The following KCNG3 variants were observed in gnomAD, a reference collection of about 807,000 sequenced individuals.
KCNG3 encodes potassium voltage-gated channel modifier subfamily G member 3, also known as voltage-gated potassium channel regulatory subunit KCNG3.
A neutral mutation model predicts 29.0 loss-of-function variants in KCNG3; 15 were observed. The observed-to-expected ratio is 0.52, with a 90% CI of 0.35 to 0.80. The LOEUF (loss-of-function observed/expected upper bound fraction) is 0.80. Ranked by LOEUF, KCNG3 falls within the 30% of genes least tolerant of loss-of-function variation. KCNG3 has a pLI of 0.01. For missense variants in KCNG3, 512 were observed against 605.7 expected, an observed-to-expected ratio of 0.85 and a Z score of 1.62; for synonymous variants, 322 against 248.9, an observed-to-expected ratio of 1.29 and a Z score of -2.76.
intron 1 of KCNG3, among the ~76,000 whole-genome samples, chr2:42,465,796 A>AT (rs139327318): frequency 0.017 from 2,608 of 152,268 alleles, 68 homozygotes; most frequent in African/African-American, 0.059. Context: ...AAAATAACCC[A>AT]TTTTTTAAAA....
chr2:42,482,837 T>C (rs1673623445), intron 1 of KCNG3, among the ~76,000 whole-genome samples: 1 of 151,538 alleles, frequency 6.6e-6, no homozygotes, highest in South Asian at 2.1e-4. Context: ...AAAGCTATTC[T>C]AGGCCAGGCA....
the KCNG3 span, among the ~76,000 whole-genome samples, chr2:42,425,490 G>C: frequency 1.5e-4 from 23 of 151,882 alleles, no homozygotes; most frequent in Admixed American, 2.0e-4. Context: ...AGAAATAGAG[G>C]GATGATGGGG....
At chr2:42,405,695 C>A in the KCNG3 span, among the ~76,000 whole-genome samples, 1 of 152,140 alleles carries the variant, frequency 6.6e-6, no homozygotes, top group African/African-American at 2.4e-5. Context: ...GAAAGCTCCG[C>A]CTCCCGGGTT....
At chr2:42,389,888 T>C in the KCNG3 span, among the ~76,000 whole-genome samples, 1 of 152,236 alleles carries the variant, frequency 6.6e-6, no homozygotes, top group Non-Finnish European at 1.5e-5. Flanking sequence ...GGGCTTGCTG[T>C]CTGTGATGCT....
chr2:42,473,089 G>T (rs1240262785), intron 1 of KCNG3, among the ~76,000 whole-genome samples: 1 of 149,130 alleles, frequency 6.7e-6, no homozygotes, highest in African/African-American at 2.5e-5. Context: ...GTAGAGACGG[G>T]GTTTCACCGT....
chr2:42,409,531 T>C, the KCNG3 span, among the ~76,000 whole-genome samples: 1 of 151,400 alleles, frequency 6.6e-6, no homozygotes, highest in African/African-American at 2.4e-5. Context: ...CGGTGAAACC[T>C]GTCTCTACAA....
In KCNG3 at chr2:42,444,706, G is replaced by T; in HGVS notation, c.666-127C>A. ...ACTTTTCCAGAAAACATAAAGAACA[G>T]ACAACATTAGCAACATCATCAGACC... On this transcript the variant is annotated intron_variant, in intron 1 of 1. Transcript: ENST00000306078. The surrounding 1 kb of genome is among the most constrained non-coding windows in gnomAD (Gnocchi z 5.8). 1.2e-6 allele frequency: 1 copy of T among 815,894 alleles called. No homozygotes were observed. The highest frequency in any genetic ancestry group is 1.9e-6 in the Non-Finnish European group (1 of 525,738). The allele number at this position is 815,894 out of a possible 1,614,324, so 50.5% of individuals were successfully genotyped here. A position where few individuals can be genotyped will look rare whatever the true frequency, so the allele number is the denominator to read the frequency against.
rs191934988 is a variant in KCNG3, at chr2:42,474,343, C to T, written c.665+18494G>A. Among the ~76,000 whole-genome samples the T allele has an allele frequency of 5.8e-4, 88 of 152,050 alleles. 1 individual carries two copies. Among genetic ancestry groups the T allele is most frequent in the African/African-American group, 2.0e-3 (85 of 41,500 alleles). ...AGGAGTTCGAGACCAGCCTGGCCAA[C>T]GTGGTGAAACCCTGTCTCTACTAAA... On this transcript the variant is annotated intron_variant, in intron 1 of 1. Coordinates refer to ENST00000306078, the MANE Select transcript of KCNG3 (RefSeq NM_133329.6).
chr2:42,483,324 G>A (rs564290630), intron 1 of KCNG3, among the ~76,000 whole-genome samples: 1 of 152,172 alleles, frequency 6.6e-6, no homozygotes, highest in African/African-American at 2.4e-5. Context: ...ATCAAAAAAT[G>A]TTTAAAGCAC....
chr2:42,464,442 T>G (rs1174868488), intron 1 of KCNG3, among the ~76,000 whole-genome samples: 1 of 152,244 alleles, frequency 6.6e-6, no homozygotes, highest in Non-Finnish European at 1.5e-5. Context: ...AACAATAAGC[T>G]AAGTGTTTTA....
chr2:42,467,587 G>A (rs1023144025), intron 1 of KCNG3, among the ~76,000 whole-genome samples: 3 of 151,412 alleles, frequency 2.0e-5, no homozygotes, highest in Non-Finnish European at 4.4e-5. Context: ...AGAATCACTT[G>A]AACCCAGGAG....
chr2:42,424,811 C>G, the KCNG3 span: 1 of 152,182 alleles, frequency 6.6e-6, no homozygotes, highest in South Asian at 2.1e-4. Context: ...AGCAATAAAT[C>G]AAAGGAAACC....
intron 1 of KCNG3, among the ~76,000 whole-genome samples, chr2:42,471,051 C>T (rs1362851663): frequency 6.6e-6 from 1 of 151,792 alleles, no homozygotes; most frequent in Non-Finnish European, 1.5e-5. Context: ...ACTTGGAAAG[C>T]TGAGGGTAGA....
chr2:42,410,363 T>C, the KCNG3 span, among the ~76,000 whole-genome samples: 1 of 152,134 alleles, frequency 6.6e-6, no homozygotes, highest in Non-Finnish European at 1.5e-5. Context: ...GCATTTGCAA[T>C]TCTGACAAAA....
chr2:42,446,381 G>C (rs753479522), intron 1 of KCNG3, among the ~76,000 whole-genome samples: 2 of 151,300 alleles, frequency 1.3e-5, no homozygotes, highest in South Asian at 2.1e-4. Flanking sequence ...GTTTCACCAT[G>C]TTGGCCAGGC....
chr2:42,429,431 T>A, the KCNG3 span, among the ~76,000 whole-genome samples: 1 of 152,244 alleles, frequency 6.6e-6, no homozygotes, highest in Admixed American at 6.5e-5. Context: ...GTTATAACTG[T>A]GGCTAATCCC....
At chr2:42,469,498 C>G (rs1328451878) in intron 1 of KCNG3, among the ~76,000 whole-genome samples, 2 of 151,648 alleles carry the variant, frequency 1.3e-5, no homozygotes, top group Non-Finnish European at 2.9e-5. Context: ...GCAAATGAGG[C>G]TCTTCAGATT....
At chr2:42,470,261 G>A (rs556325566) in intron 1 of KCNG3, 10 of 389,042 alleles carry the variant, frequency 2.6e-5, no homozygotes, top group Non-Finnish European at 3.5e-5. Context: ...TGTCCTGGTC[G>A]CATAAATTTG....
chr2:42,441,729 T>TATATA (rs1672483198), downstream of KCNG3, among the ~76,000 whole-genome samples: 1 of 150,448 alleles, frequency 6.6e-6, no homozygotes, highest in Admixed American at 6.7e-5. Flanking sequence ...CACACACATA[T>TATATA]CCCTATATAT....
Sources: gnomAD v4.1 joint callset for allele counts (sites outside exome capture counted in the v4.1 genomes callset) on GRCh38, gnomAD v4.1.1 for gene constraint, Gnocchi (gnomAD v3.1) non-coding constraint, MANE v1.5 for transcripts, NCBI Gene and HGNC (gene_info 2026-07-23, HGNC 2026-07-21) for gene names.